MGAM: variants seen among roughly 807,000 people sequenced by gnomAD.
MGAM encodes alpha-1,4-glucosidase.
Under a neutral mutation model 358.8 loss-of-function variants are expected in MGAM, and 253 were observed. That is an observed-to-expected ratio of 0.71 (90% CI 0.64 to 0.78). The LOEUF is 0.78. Among genes scored for constraint, MGAM ranks in the 30% least tolerant of loss-of-function variants. The pLI, the probability that MGAM is intolerant of heterozygous loss-of-function variation, is 0.00. For missense variants in MGAM, 3,080 were observed against 3,432.6 expected, an observed-to-expected ratio of 0.90 and a Z score of 2.57; for synonymous variants, 1,105 against 1,227.1, an observed-to-expected ratio of 0.90 and a Z score of 2.08.
chr7:142,040,369 T>C (rs1012198667), intron 20 of MGAM, 198 bp downstream of exon 20: 1 of 597,076 alleles, frequency 1.7e-6, no homozygotes, highest in African/African-American at 1.9e-5. Context: ...AAAAAATACC[T>C]TCATATACTT....
At chr7:142,071,505 AC>A (rs1813344785) in intron 44 of MGAM, among the ~76,000 whole-genome samples, 1 of 146,130 alleles carries the variant, frequency 6.8e-6, no homozygotes, top group African/African-American at 2.4e-5. Flanking sequence ...TTCTTTTCAA[AC>A]ACGCTAACAG....
chr7:142,029,240 A>T (rs1807242251), intron 10 of MGAM, among the ~76,000 whole-genome samples: 1 of 152,098 alleles, frequency 6.6e-6, no homozygotes, highest in African/African-American at 2.4e-5. Context: ...GGTGCCTGTA[A>T]TCCCAGCTAT....
At chr7:142,067,957 TA>T (rs1563191013) in intron 42 of MGAM, among the ~76,000 whole-genome samples, 19 of 35,502 alleles carry the variant, frequency 5.4e-4, no homozygotes, top group African/African-American at 1.4e-3. Flanking sequence ...TATATATATA[TA>T]TATATAAATA....
chr7:142,081,346 G>T (rs1311333480), intron 50 of MGAM, among the ~76,000 whole-genome samples: 1 of 146,048 alleles, frequency 6.8e-6, no homozygotes, highest in East Asian at 2.0e-4. Flanking sequence ...GTTATGGTGT[G>T]GTTACTGCTT....
At chr7:142,012,399 C>T (rs890909588) in intron 3 of MGAM, among the ~76,000 whole-genome samples, 16 of 152,088 alleles carry the variant, frequency 1.1e-4, no homozygotes, top group African/African-American at 3.6e-4. Flanking sequence ...TATAAGGGCA[C>T]CTAATTCCCT....
intron 21 of MGAM, among the ~76,000 whole-genome samples, chr7:142,042,845 CAT>C (rs1194583866): frequency 5.0e-5 from 2 of 40,268 alleles, no homozygotes; most frequent in East Asian, 7.1e-4. Flanking sequence ...ATTATATATA[CAT>C]ATAATATCTA....
At chr7:142,079,159 C>A (rs1337100881) in intron 49 of MGAM, among the ~76,000 whole-genome samples, 151 bp downstream of exon 49, 1 of 146,106 alleles carries the variant, frequency 6.8e-6, no homozygotes, top group Middle Eastern at 3.5e-3. Flanking sequence ...ATTGAGGGAA[C>A]AATGAGACCT....
chr7:142,089,346 T>C (rs1485242346), intron 57 of MGAM, among the ~76,000 whole-genome samples: 1 of 146,514 alleles, frequency 6.8e-6, no homozygotes, highest in African/African-American at 2.4e-5. Context: ...TTCAGGGAAT[T>C]CTCCACAAAA....
chr7:142,052,468 G>A (rs755549629), intron 25 of MGAM, 22 bp downstream of exon 25: 3 of 1,611,768 alleles, frequency 1.9e-6, no homozygotes, highest in Admixed American at 1.7e-5. Flanking sequence ...GATGGGGTTT[G>A]TGTGCATGAG....
chr7:142,033,663 G>A (rs1346710827), intron 14 of MGAM, among the ~76,000 whole-genome samples: 4 of 152,158 alleles, frequency 2.6e-5, no homozygotes, highest in African/African-American at 9.7e-5. Context: ...TTATCTTTTA[G>A]TAATAGAGAA....
At position 142,040,764 on chromosome 7, in the gene MGAM, C is replaced by A. The variant is rs956495934; in HGVS notation, c.2416C>A (p.Leu806Ile). The A allele has an allele frequency of 6.2e-6, 10 of 1,613,174 alleles. No homozygotes were observed. The highest frequency in any genetic ancestry group is 8.5e-6 in the Non-Finnish European group (10 of 1,179,502). Residue 806 changes from leucine to isoleucine, a missense_variant, in exon 21 of 71, where the codon CTT becomes ATT. By Grantham distance (5) the Leu-to-Ile change is conservative. Coordinates refer to ENST00000475668, the MANE Select transcript of MGAM (RefSeq NM_001365693.1). ...GAGGAAGCAAAAAGTCGAGATGGAA[C>A]TTCCTGGAGACAAAATTGGACTTCA... is the stretch of plus-strand genomic sequence containing the variant. ...RWRKQKVEME[L>I]PGDKIGLHLR...
Position 142,056,946 on chromosome 7 carries a change from G to T in MGAM, c.3693+4G>T, listed in dbSNP as rs1400315733. 11 of 1,613,200 alleles carry T rather than the reference G, an allele frequency of 6.8e-6. No individual in the cohort carries two copies. The highest frequency in any genetic ancestry group is 9.3e-6 in the Non-Finnish European group (11 of 1,179,470). On this transcript the variant is annotated splice_donor_region_variant and intron_variant, in intron 30 of 70. Transcript: ENST00000475668. The stretch of plus-strand genomic sequence containing the variant: ...TGTCACCCAGCAGTACACTGAGGTA[G>T]GGGGAAATCCAATTGTTTATCAAGT...
At chr7:142,061,101 G>A (rs1812149940) in intron 34 of MGAM, among the ~76,000 whole-genome samples, 1 of 152,146 alleles carries the variant, frequency 6.6e-6, no homozygotes, top group Non-Finnish European at 1.5e-5. Flanking sequence ...AAGCCACAAG[G>A]CAAGAGTTGA....
Position 142,045,495 on chromosome 7 carries a change from ATAT to A in MGAM, c.2499-2286_2499-2284del, listed in dbSNP as rs1344888563. Among the ~76,000 whole-genome samples, 132 of 110,724 alleles carry A rather than the reference ATAT, an allele frequency of 1.2e-3. 3 individuals carry two copies. The South Asian group carries it at 0.016, about 13-fold the overall frequency. The allele number at this position is 110,724 out of a possible 152,430, so 72.6% of individuals were successfully genotyped here. A position where few individuals can be genotyped will look rare whatever the true frequency, so the allele number is the denominator to read the frequency against. Reference sequence around the variant, plus strand: ...ATATTATATATACATACAATATATGATATTATATATTACATATACATATAATAT... The same window carrying A: ...ATATTATATATACATACAATATATGATATATATTACATATACATATAATAT... On this transcript the variant is annotated intron_variant, in intron 21 of 70. Transcript: ENST00000475668.
intron 30 of MGAM, among the ~76,000 whole-genome samples, chr7:142,057,249 A>T (rs924667615): frequency 7.9e-5 from 12 of 151,222 alleles, no homozygotes; most frequent in African/African-American, 2.9e-4. Context: ...GGTGATAGTG[A>T]TGTGGGAATG....
At chr7:142,103,858 A>ATT (rs111391825) in intron 70 of MGAM, among the ~76,000 whole-genome samples, 25 of 143,162 alleles carry the variant, frequency 1.7e-4, no homozygotes, top group Middle Eastern at 3.7e-3. Context: ...TTATCACTCA[A>ATT]TTTTTTTTTT....
intron 17 of MGAM, 147 bp from the exon 18 acceptor site, chr7:142,036,676 G>A (rs560585329): frequency 3.9e-6 from 3 of 759,942 alleles, no homozygotes; most frequent in East Asian, 2.5e-5. Context: ...AGAGACACTT[G>A]GTACTACTCA....
At chr7:142,063,689 A>G in intron 36 of MGAM, 103 bp downstream of exon 36, 1 of 1,324,622 alleles carries the variant, frequency 7.5e-7, no homozygotes, top group African/African-American at 1.5e-5. Context: ...GCACATCCTC[A>G]TGGCTGCTGT....
rs775571398 is a variant in MGAM at position 142,050,791 on chromosome 7, G to A, written c.2732G>A (p.Ser911Asn). ...AAAATTCTTGGGACGGAGGAACCTA[G>A]CAATGTTACAGTGAAACACAATGGT... ...EIKILGTEEP[S>N]NVTVKHNGVP... Residue 911 changes from serine to asparagine, a missense_variant, in exon 24 of 71, where the codon AGC (serine) becomes AAC (asparagine). Physicochemically the swap from Ser to Asn is conservative, Grantham distance 46. Transcript: ENST00000475668. 33 of 1,613,722 alleles carry A rather than the reference G, an allele frequency of 2.0e-5. No individual in the cohort carries two copies. Among genetic ancestry groups the A allele is most frequent in the Non-Finnish European group, 2.5e-5 (30 of 1,179,794 alleles).
Sources: gnomAD v4.1 joint callset for allele counts (sites outside exome capture counted in the v4.1 genomes callset) on GRCh38, gnomAD v4.1.1 for gene constraint, MANE v1.5 for transcripts, NCBI Gene and HGNC (gene_info 2026-07-23, HGNC 2026-07-21) for gene names.